Variants in RIMS1 observed in about 807,000 individuals in gnomAD.
The protein encoded by RIMS1 is regulating synaptic membrane exocytosis 1, also known as regulating synaptic membrane exocytosis protein 1.
A neutral mutation model predicts 214.1 loss-of-function variants in RIMS1; 83 were observed. That is an observed-to-expected ratio of 0.39 (90% CI 0.32 to 0.47). The LOEUF (loss-of-function observed/expected upper bound fraction) is 0.47. RIMS1 is among the 20% of genes least tolerant of loss of function. RIMS1 has a pLI of 0.99. For missense variants in RIMS1, 2,050 were observed against 2,161.8 expected (o/e 0.95, Z 1.03); for synonymous variants, 793 against 786.8 (o/e 1.01, Z -0.13).
At chr6:72,007,896 T>G (rs1808469179) in intron 2 of RIMS1, among the ~76,000 whole-genome samples, 1 of 152,140 alleles carries the variant, frequency 6.6e-6, no homozygotes, top group African/African-American at 2.4e-5. Flanking sequence ...TGGAAAACAC[T>G]CTGCAGGATG....
chr6:72,102,733 A>T (rs1361150379), intron 4 of RIMS1, among the ~76,000 whole-genome samples: 1 of 152,012 alleles, frequency 6.6e-6, no homozygotes, highest in Non-Finnish European at 1.5e-5. Context: ...TTAAAAAAAC[A>T]TTACTCTCAA....
chr6:71,940,636 T>C (rs1785789326), intron 1 of RIMS1, among the ~76,000 whole-genome samples: 1 of 152,204 alleles, frequency 6.6e-6, no homozygotes, highest in Non-Finnish European at 1.5e-5. Context: ...AACTGAATTC[T>C]GCTAAAACAA....
chr6:72,110,144 C>T (rs1204902222), intron 4 of RIMS1, among the ~76,000 whole-genome samples: 1 of 152,170 alleles, frequency 6.6e-6, no homozygotes, highest in African/African-American at 2.4e-5. Context: ...ATGATGCCTC[C>T]AGCTTTGTTC....
chr6:72,393,012 T>C (rs1044781848), intron 31 of RIMS1, among the ~76,000 whole-genome samples: 1 of 149,772 alleles, frequency 6.7e-6, no homozygotes, highest in Non-Finnish European at 1.5e-5. Flanking sequence ...AAATTAGCTA[T>C]AAATATTTGA....
intron 4 of RIMS1, among the ~76,000 whole-genome samples, chr6:72,101,696 G>T (rs2033628411): frequency 6.6e-6 from 1 of 151,822 alleles, no homozygotes. Flanking sequence ...CTGTTAAATT[G>T]GTGAAGAACT....
chr6:71,998,655 A>G (rs1232815062), intron 2 of RIMS1, among the ~76,000 whole-genome samples: 1 of 152,170 alleles, frequency 6.6e-6, no homozygotes, highest in African/African-American at 2.4e-5. Flanking sequence ...TCATATGTCT[A>G]TCTGCATGCC....
At chr6:72,341,058 G>C (rs2097068348) in intron 29 of RIMS1, among the ~76,000 whole-genome samples, 1 of 152,032 alleles carries the variant, frequency 6.6e-6, no homozygotes, top group Non-Finnish European at 1.5e-5. Context: ...GTGAATGGGA[G>C]TTCACTCATG....
At chr6:72,203,130 G>A (rs993564803) in intron 6 of RIMS1, among the ~76,000 whole-genome samples, 2 of 152,072 alleles carry the variant, frequency 1.3e-5, no homozygotes, top group African/African-American at 4.8e-5. Flanking sequence ...TGGGATTACA[G>A]GTGCCTGCCA....
chr6:72,132,526 A>G (rs1214429307), intron 4 of RIMS1, among the ~76,000 whole-genome samples: 1 of 152,208 alleles, frequency 6.6e-6, no homozygotes, highest in African/African-American at 2.4e-5. Flanking sequence ...TGTGTATGTC[A>G]TATATCCATA....
chr6:72,275,095 G>A (rs1056800316), intron 23 of RIMS1, among the ~76,000 whole-genome samples: 1 of 123,418 alleles, frequency 8.1e-6, no homozygotes, highest in Non-Finnish European at 1.7e-5. Flanking sequence ...TCAGTGTGAA[G>A]TTGACCCAGT....
intron 26 of RIMS1, among the ~76,000 whole-genome samples, chr6:72,300,754 A>G (rs992971238): frequency 6.6e-6 from 1 of 151,756 alleles, no homozygotes; most frequent in Non-Finnish European, 1.5e-5. Context: ...CTTACTTGCC[A>G]ATGACTAGTA....
At chr6:72,238,395 C>A (rs2065195224) in intron 9 of RIMS1, among the ~76,000 whole-genome samples, 1 of 151,936 alleles carries the variant, frequency 6.6e-6, no homozygotes, top group African/African-American at 2.4e-5. Context: ...AAAGCATAAT[C>A]ATAATCACAT....
chr6:71,941,281 A>G (rs546739933), intron 1 of RIMS1, among the ~76,000 whole-genome samples: 4 of 150,798 alleles, frequency 2.7e-5, no homozygotes, highest in Non-Finnish European at 6.0e-5. Flanking sequence ...TTTACCCACT[A>G]CTTAAAGATA....
At position 72,123,577 on chromosome 6, in the gene RIMS1, A is replaced by G. The variant is rs1478931758; in HGVS notation, c.471+23591A>G. On this transcript the variant is annotated intron_variant, in intron 4 of 33. Coordinates refer to ENST00000521978, the MANE Select transcript of RIMS1 (RefSeq NM_014989.7). Reference sequence around the variant, plus strand: ...GTCTAATATTGACAGTGGGGTGTTAAAGTCTCCCATTATTATTGTGAGGGA... The same window carrying G: ...GTCTAATATTGACAGTGGGGTGTTAGAGTCTCCCATTATTATTGTGAGGGA... Among the ~76,000 whole-genome samples the G allele has an allele frequency of 5.9e-5, 9 of 151,896 alleles. No homozygotes were observed. In the East Asian group the frequency reaches 1.7e-3, roughly 29 times the overall value.
At chr6:71,963,530 T>A (rs2151281375) in intron 1 of RIMS1, among the ~76,000 whole-genome samples, 1 of 152,312 alleles carries the variant, frequency 6.6e-6, no homozygotes, top group Admixed American at 6.5e-5. Context: ...ATTTAATTAC[T>A]TTAATGTCTT....
intron 31 of RIMS1, among the ~76,000 whole-genome samples, chr6:72,395,747 T>C (rs1001069071): frequency 6.6e-6 from 1 of 151,988 alleles, no homozygotes; most frequent in Non-Finnish European, 1.5e-5. Flanking sequence ...GTGAGAATTA[T>C]TCACATGTTT....
intron 1 of RIMS1, among the ~76,000 whole-genome samples, chr6:71,888,739 G>A (rs1300382075): frequency 6.6e-6 from 1 of 152,182 alleles, no homozygotes; most frequent in Non-Finnish European, 1.5e-5. Context: ...TTCAGAAAAG[G>A]GCCATTAACT....
chr6:71,887,326 G>C (rs1260081375), intron 1 of RIMS1, 139 bp downstream of exon 1: 1 of 1,095,088 alleles, frequency 9.1e-7, no homozygotes, highest in Non-Finnish European at 1.3e-6. Flanking sequence ...CCCGCCTTGG[G>C]CCAGGGGCGC....
chr6:72,258,427 C>A, intron 17 of RIMS1, 146 bp downstream of exon 17: 1 of 825,012 alleles, frequency 1.2e-6, no homozygotes, highest in Non-Finnish European at 1.8e-6. Flanking sequence ...TTTTTTTATT[C>A]TTTATCCAAC....
Sources: gnomAD v4.1 joint callset for allele counts (sites outside exome capture counted in the v4.1 genomes callset) on GRCh38, gnomAD v4.1.1 for gene constraint, MANE v1.5 for transcripts, NCBI Gene and HGNC (gene_info 2026-07-23, HGNC 2026-07-21) for gene names.